Variants in GALNTL6 observed in about 807,000 individuals in gnomAD.
GALNTL6 encodes the protein polypeptide N-acetylgalactosaminyltransferase like 6.
Under a neutral mutation model 73.7 loss-of-function variants are expected in GALNTL6, and 46 were observed. That is an observed-to-expected ratio of 0.62 (90% confidence interval 0.49 to 0.80). The LOEUF is 0.80. GALNTL6 is among the 30% of genes least tolerant of loss of function. The probability of loss-of-function intolerance (pLI) is 0.00; values close to 1 mark genes in which losing one functional copy is unlikely to be tolerated. For missense variants in GALNTL6, 604 were observed against 755.0 expected, an observed-to-expected ratio of 0.80 and a Z score of 2.34; for synonymous variants, 259 against 263.7, an observed-to-expected ratio of 0.98 and a Z score of 0.17.
chr4:173,016,570 C>T (rs1434634197), intron 11 of GALNTL6, among the ~76,000 whole-genome samples: 1 of 152,092 alleles, frequency 6.6e-6, no homozygotes, highest in Non-Finnish European at 1.5e-5. Flanking sequence ...GCCTTTAGTC[C>T]CTATGTTTTG....
chr4:172,801,051 C>T (rs1740612266), intron 5 of GALNTL6, among the ~76,000 whole-genome samples: 1 of 151,958 alleles, frequency 6.6e-6, no homozygotes, highest in South Asian at 2.1e-4. Context: ...ATAATTGAAA[C>T]ATCAGACAAA....
intron 5 of GALNTL6, among the ~76,000 whole-genome samples, chr4:172,764,763 T>C (rs760629216): frequency 5.9e-5 from 9 of 152,194 alleles, no homozygotes; most frequent in Non-Finnish European, 1.2e-4. Context: ...TTTATCTCAC[T>C]ATTTACAAAT....
At chr4:171,894,059 A>G (rs968706647) in intron 2 of GALNTL6, among the ~76,000 whole-genome samples, 3 of 150,634 alleles carry the variant, frequency 2.0e-5, no homozygotes, top group Non-Finnish European at 4.4e-5. Context: ...TTAGACGTGC[A>G]GTTGCTTCAT....
chr4:171,835,566 T>C (rs1735075908), intron 2 of GALNTL6, among the ~76,000 whole-genome samples: 1 of 152,036 alleles, frequency 6.6e-6, no homozygotes, highest in African/African-American at 2.4e-5. Flanking sequence ...TTAATATTTA[T>C]AGTGGTCGAG....
intron 8 of GALNTL6, among the ~76,000 whole-genome samples, chr4:172,893,950 A>G (rs1746186235): frequency 6.6e-6 from 1 of 152,180 alleles, no homozygotes; most frequent in African/African-American, 2.4e-5. Context: ...CCCCTTCCTT[A>G]GGACCTAGTC....
chr4:172,231,427 C>T (rs1381911198), intron 3 of GALNTL6, among the ~76,000 whole-genome samples: 1 of 152,096 alleles, frequency 6.6e-6, no homozygotes, highest in Non-Finnish European at 1.5e-5. Flanking sequence ...AATTGAGTTC[C>T]TACAAATTTA....
At chr4:172,716,590 C>T (rs1267945112) in intron 5 of GALNTL6, among the ~76,000 whole-genome samples, 1 of 152,058 alleles carries the variant, frequency 6.6e-6, no homozygotes, top group Non-Finnish European at 1.5e-5. Context: ...AAATATATCC[C>T]TAGACCCACA....
chr4:173,032,437 CG>C (rs1753506828), intron 12 of GALNTL6, among the ~76,000 whole-genome samples: 1 of 147,990 alleles, frequency 6.8e-6, no homozygotes, highest in African/African-American at 2.5e-5. Context: ...GGCGACAGAG[CG>C]AGACTCCGTC....
chr4:172,064,902 A>G (rs1287675074), intron 2 of GALNTL6, among the ~76,000 whole-genome samples: 2 of 152,178 alleles, frequency 1.3e-5, no homozygotes, highest in African/African-American at 2.4e-5. Context: ...AATATCTCAT[A>G]TGAAAATAAC....
At chr4:172,267,973 T>A (rs1738507546) in intron 3 of GALNTL6, among the ~76,000 whole-genome samples, 1 of 152,172 alleles carries the variant, frequency 6.6e-6, no homozygotes, top group South Asian at 2.1e-4. Context: ...ACATATGCAG[T>A]TGTTGAGACT....
At chr4:172,617,452 T>G (rs956868063) in intron 5 of GALNTL6, among the ~76,000 whole-genome samples, 1 of 151,524 alleles carries the variant, frequency 6.6e-6, no homozygotes, top group Non-Finnish European at 1.5e-5. Context: ...CTTTATTTAT[T>G]TATTTATTTA....
At chr4:172,290,073 A>G (rs760212263) in intron 3 of GALNTL6, among the ~76,000 whole-genome samples, 1 of 152,234 alleles carries the variant, frequency 6.6e-6, no homozygotes, top group Middle Eastern at 3.4e-3. Flanking sequence ...TAATTATTTT[A>G]TCTGCTTTAT....
chr4:172,549,906 CA>C (rs1735896262), intron 5 of GALNTL6, among the ~76,000 whole-genome samples: 1 of 152,024 alleles, frequency 6.6e-6, no homozygotes, highest in Non-Finnish European at 1.5e-5. Flanking sequence ...TAAATAAAAA[CA>C]ATGCAAAAAT....
chr4:172,323,489 C>T (rs1196303793), intron 4 of GALNTL6, among the ~76,000 whole-genome samples: 1 of 152,050 alleles, frequency 6.6e-6, no homozygotes, highest in African/African-American at 2.4e-5. Context: ...ACCCAGGTGC[C>T]AAGTTGACAT....
chr4:171,815,674 G>A (rs1320797979), intron 2 of GALNTL6: 1 of 152,140 alleles, frequency 6.6e-6, no homozygotes, highest in Admixed American at 6.6e-5. Context: ...TTAATTTCAA[G>A]GGTCATCACC....
At chr4:172,140,413 G>A (rs562267441) in intron 2 of GALNTL6, among the ~76,000 whole-genome samples, 12 of 152,090 alleles carry the variant, frequency 7.9e-5, no homozygotes, top group African/African-American at 2.6e-4. Flanking sequence ...GTCTACAAAA[G>A]TCTTGTTTTT....
chr4:172,497,539 G>A (rs1473527446), intron 5 of GALNTL6, among the ~76,000 whole-genome samples: 1 of 152,194 alleles, frequency 6.6e-6, no homozygotes, highest in Non-Finnish European at 1.5e-5. Context: ...TTCATCCACA[G>A]TGTGTGACTT....
At chr4:171,980,163 TA>T (rs1467023518) in intron 2 of GALNTL6, among the ~76,000 whole-genome samples, 3 of 152,084 alleles carry the variant, frequency 2.0e-5, no homozygotes, top group African/African-American at 7.2e-5. Context: ...AAGCACTTAC[TA>T]GGGTAGGAAA....
intron 5 of GALNTL6, among the ~76,000 whole-genome samples, chr4:172,561,330 T>G (rs966408219): frequency 6.6e-6 from 1 of 151,194 alleles, no homozygotes; most frequent in African/African-American, 2.4e-5. Context: ...AAGCCAGATC[T>G]GAACCTCGGC....
Sources: allele counts gnomAD v4.1 joint callset (sites outside exome capture counted in the v4.1 genomes callset), GRCh38; gene constraint gnomAD v4.1.1; transcripts MANE v1.5; gene names NCBI Gene and HGNC (gene_info 2026-07-23, HGNC 2026-07-21).